CCDC141: variants seen among roughly 807,000 people sequenced by gnomAD.
The protein encoded by CCDC141 is coiled-coil domain containing 141, also known as coiled-coil domain-containing protein 141.
In CCDC141, 168 loss-of-function variants were observed where a neutral mutation model predicts 181.0. That is an observed-to-expected ratio of 0.93 (90% CI 0.82 to 1.05). The LOEUF (loss-of-function observed/expected upper bound fraction) is 1.05. CCDC141 is among the 50% of genes least tolerant of loss of function. The probability of loss-of-function intolerance (pLI) is 0.00; values close to 1 mark genes in which losing one functional copy is unlikely to be tolerated. For synonymous variants in CCDC141, 666 were observed against 642.3 expected (o/e 1.04, Z -0.56); for missense variants, 1,902 against 1,788.5 (o/e 1.06, Z -1.14).
intron 6 of CCDC141, among the ~76,000 whole-genome samples, chr2:178,944,305 T>G (rs983301094): frequency 1.3e-5 from 2 of 152,210 alleles, no homozygotes; most frequent in African/African-American, 4.8e-5. Context: ...TAGTAACTAT[T>G]CAGAAAAATA....
At chr2:179,012,490 CAA>C (rs2042297968) in intron 2 of CCDC141, among the ~76,000 whole-genome samples, 1 of 151,890 alleles carries the variant, frequency 6.6e-6, no homozygotes, top group East Asian at 1.9e-4. Context: ...AAATTACCAA[CAA>C]AAAAAGTCCA....
Position 178,914,109 on chromosome 2 carries a change from T to TAATC in CCDC141, c.1092+4600_1092+4603dup, listed in dbSNP as rs140315415. Among the ~76,000 whole-genome samples, 53 of 152,368 alleles carry TAATC rather than the reference T, an allele frequency of 3.5e-4. No individual in the cohort carries two copies. In the East Asian group the frequency reaches 9.6e-3, roughly 28 times the overall value. On this transcript the variant is annotated intron_variant, in intron 7 of 23. Transcript: ENST00000443758. Reference sequence around the variant, plus strand: ...CACACTAGAAGTATAATAAATAAGATAATCTATAATCCCGAAGGATGAATA... The same window carrying TAATC: ...CACACTAGAAGTATAATAAATAAGATAATCAATCTATAATCCCGAAGGATGAATA...
At chr2:178,922,669 TAAAC>T (rs1434905001) in intron 6 of CCDC141, among the ~76,000 whole-genome samples, 1 of 152,214 alleles carries the variant, frequency 6.6e-6, no homozygotes, top group Non-Finnish European at 1.5e-5. Context: ...ACCAAAATAA[TAAAC>T]AAGAAGAGAA....
chr2:178,982,601 G>T (rs1394251456), intron 2 of CCDC141, among the ~76,000 whole-genome samples: 14 of 152,190 alleles, frequency 9.2e-5, no homozygotes, highest in African/African-American at 1.7e-4. Context: ...CAGGTCAGTG[G>T]GTGCACGCAC....
chr2:178,865,575 G>A (rs1050024989), intron 17 of CCDC141, among the ~76,000 whole-genome samples, 192 bp downstream of exon 17: 43 of 152,210 alleles, frequency 2.8e-4, no homozygotes, highest in Non-Finnish European at 5.1e-4. Flanking sequence ...AGAGCTTGAA[G>A]TTTACTCAAA....
At chr2:178,898,982 T>G (rs4893858) in intron 8 of CCDC141, among the ~76,000 whole-genome samples, 1 of 152,162 alleles carries the variant, frequency 6.6e-6, no homozygotes, top group African/African-American at 2.4e-5. Flanking sequence ...CTGTAATCAT[T>G]TGAAACAACC....
intron 2 of CCDC141, among the ~76,000 whole-genome samples, chr2:178,999,910 A>G (rs903264762): frequency 2.0e-5 from 3 of 152,118 alleles, no homozygotes; most frequent in African/African-American, 7.2e-5. Flanking sequence ...ACTTTCCACC[A>G]TCATAGTCAT....
At chr2:178,908,047 G>T (rs1284440688) in intron 7 of CCDC141, among the ~76,000 whole-genome samples, 1 of 151,914 alleles carries the variant, frequency 6.6e-6, no homozygotes, top group Admixed American at 6.6e-5. Context: ...GAAAGAAGAT[G>T]ATTTAATGAC....
At chr2:178,994,237 G>A (rs1308476995) in intron 2 of CCDC141, among the ~76,000 whole-genome samples, 2 of 152,194 alleles carry the variant, frequency 1.3e-5, no homozygotes, top group African/African-American at 4.8e-5. Context: ...CCCTGCCCCT[G>A]CGGCAAATTT....
At chr2:178,972,314 A>G (rs747507652) in intron 4 of CCDC141, among the ~76,000 whole-genome samples, 2 of 152,170 alleles carry the variant, frequency 1.3e-5, no homozygotes, top group African/African-American at 2.4e-5. Context: ...TCATTCTGCC[A>G]TGTCGTACAT....
intron 12 of CCDC141, chr2:178,873,683 T>TA (rs1208479841): frequency 6.6e-6 from 1 of 152,152 alleles, no homozygotes; most frequent in East Asian, 1.9e-4. Context: ...CAGACGAATA[T>TA]TTTGGCCACT....
intron 7 of CCDC141, among the ~76,000 whole-genome samples, chr2:178,913,126 T>G (rs1688291913): frequency 6.6e-6 from 1 of 152,186 alleles, no homozygotes; most frequent in Non-Finnish European, 1.5e-5. Flanking sequence ...TTCGCTCAAG[T>G]ACCCATTTGA....
chr2:178,951,572 T>G (rs921899245), intron 5 of CCDC141, among the ~76,000 whole-genome samples: 1 of 152,210 alleles, frequency 6.6e-6, no homozygotes, highest in Non-Finnish European at 1.5e-5. Flanking sequence ...TTAAAATTAA[T>G]TCATCCTTTT....
At chr2:178,985,538 T>C (rs1290694902) in intron 2 of CCDC141, among the ~76,000 whole-genome samples, 1 of 150,776 alleles carries the variant, frequency 6.6e-6, no homozygotes, top group South Asian at 2.1e-4. Context: ...GCTGGTTTTT[T>C]GAAAGGATCA....
intron 8 of CCDC141, among the ~76,000 whole-genome samples, chr2:178,903,311 T>C (rs1687795841): frequency 6.6e-6 from 1 of 151,816 alleles, no homozygotes; most frequent in Admixed American, 6.6e-5. Context: ...TGCACACGTA[T>C]GTTTACTGTG....
chr2:178,916,772 T>C (rs1221196702), intron 7 of CCDC141, among the ~76,000 whole-genome samples: 1 of 152,096 alleles, frequency 6.6e-6, no homozygotes, highest in African/African-American at 2.4e-5. Flanking sequence ...TAAATCCCAG[T>C]GGAGCTTATT....
intron 8 of CCDC141, among the ~76,000 whole-genome samples, chr2:178,895,181 C>T (rs1010003426): frequency 6.6e-6 from 1 of 152,148 alleles, no homozygotes; most frequent in African/African-American, 2.4e-5. Flanking sequence ...TTCCCTTAAA[C>T]TATTCAAACA....
intron 1 of CCDC141, among the ~76,000 whole-genome samples, chr2:179,049,475 C>T (rs2043605975): frequency 6.6e-6 from 1 of 152,146 alleles, no homozygotes; most frequent in Admixed American, 6.5e-5. Context: ...TCCACAGGTC[C>T]ATTGGACTCT....
At chr2:179,048,906 C>T (rs927302165) in intron 1 of CCDC141, among the ~76,000 whole-genome samples, 6 of 152,180 alleles carry the variant, frequency 3.9e-5, no homozygotes, top group Non-Finnish European at 8.8e-5. Flanking sequence ...TTAAAGTAAA[C>T]ATGGCTTGCT....
Sources: allele counts gnomAD v4.1 joint callset (sites outside exome capture counted in the v4.1 genomes callset), GRCh38; gene constraint gnomAD v4.1.1; transcripts MANE v1.5; gene names NCBI Gene and HGNC (gene_info 2026-07-23, HGNC 2026-07-21).